ATP10A: variants seen among roughly 807,000 people sequenced by gnomAD.
ATP10A encodes phospholipid-transporting ATPase VA.
Under a neutral mutation model 147.8 loss-of-function variants are expected in ATP10A, and 111 were observed. That is an observed-to-expected ratio of 0.75 (90% CI 0.64 to 0.88). The LOEUF is 0.88. Among genes scored for constraint, ATP10A ranks in the 40% least tolerant of loss-of-function variants. The pLI is 0.00. For missense variants in ATP10A, 1,927 were observed against 1,959.0 expected (o/e 0.98, Z 0.31); for synonymous variants, 875 against 841.6 (o/e 1.04, Z -0.69).
At chr15:25,836,266 C>T (rs181272323) in intron 1 of ATP10A, among the ~76,000 whole-genome samples, 517 of 152,240 alleles carry the variant, frequency 3.4e-3, no homozygotes, top group Middle Eastern at 0.017. Context: ...CTTTTTCTTC[C>T]TCTTAGTTGC....
At chr15:25,797,499 A>C (rs1307144758) in intron 1 of ATP10A, among the ~76,000 whole-genome samples, 1 of 150,248 alleles carries the variant, frequency 6.7e-6, no homozygotes, top group Non-Finnish European at 1.5e-5. Flanking sequence ...ATTCTTCCTG[A>C]CTTTCTGCCA....
chr15:25,681,777 G>T (rs1596674268), intron 17 of ATP10A, among the ~76,000 whole-genome samples: 1 of 152,274 alleles, frequency 6.6e-6, no homozygotes. Context: ...AAACTGGCTG[G>T]GTGCGGTGGC....
chr15:25,787,803 C>T (rs8037418), intron 1 of ATP10A, among the ~76,000 whole-genome samples: 51,489 of 151,818 alleles, frequency 0.34, 9,143 homozygotes, highest in East Asian at 0.44. Flanking sequence ...AGTCACCAAA[C>T]TGTGTTTTTT....
intron 1 of ATP10A, among the ~76,000 whole-genome samples, chr15:25,819,322 A>C (rs1466137326): frequency 6.6e-6 from 1 of 152,206 alleles, no homozygotes; most frequent in Non-Finnish European, 1.5e-5. Flanking sequence ...CAAGTGAAAA[A>C]TGCTCAACGT....
chr15:25,784,313 C>T (rs1004171662), intron 1 of ATP10A, among the ~76,000 whole-genome samples: 82 of 152,226 alleles, frequency 5.4e-4, no homozygotes, highest in African/African-American at 1.8e-3. Context: ...TCACCCTGGG[C>T]GGAGGAGGAG....
At chr15:25,802,602 G>A (rs1179708690) in intron 1 of ATP10A, among the ~76,000 whole-genome samples, 5 of 152,302 alleles carry the variant, frequency 3.3e-5, no homozygotes, top group South Asian at 4.1e-4. Flanking sequence ...GAGTCTCAGC[G>A]GAGAGTATGC....
In ATP10A at chr15:25,756,679, G is replaced by C. The variant is rs1396956184; in HGVS notation, c.655-20538C>G. On this transcript the variant is annotated intron_variant, in intron 2 of 20. Transcript: ENST00000555815. ...AAGAAAGAAAGAAAGAAAGAAAAGT[G>C]AGTGCTTAAATCAAACATTCTATCT... Among the ~76,000 whole-genome samples the C allele has an allele frequency of 2.6e-5, 4 of 151,780 alleles. No individual in the cohort carries two copies. The South Asian group carries it at 6.3e-4, about 24-fold the overall frequency.
At position 25,862,711 on chromosome 15, in the gene ATP10A, T is replaced by C; in HGVS notation, c.386A>G (p.Glu129Gly). The change falls in exon 1 of 21, where the codon GAG becomes GGG. Residue 129 changes from glutamate to glycine, a missense_variant. Physicochemically the swap from Glu to Gly is moderately conservative, Grantham distance 98. Coordinates refer to ENST00000555815, the MANE Select transcript of ATP10A (RefSeq NM_024490.4). ...GTCGGAGCGGTGGCGGCTGTAGTCC[T>C]CCCACAGGTCCCTGAAGGCCGTGAT... ...LAITAFRDLW[E>G]DYSRHRSDHK... 6.2e-7 allele frequency: 1 copy of C among 1,611,432 alleles called. No individual in the cohort carries two copies.
chr15:25,795,156 T>C (rs1300291192), intron 1 of ATP10A, among the ~76,000 whole-genome samples: 2 of 152,134 alleles, frequency 1.3e-5, no homozygotes, highest in East Asian at 1.9e-4. Context: ...CCAGGTATCT[T>C]ATGTGACCGC....
chr15:25,722,014 G>A, intron 6 of ATP10A, 105 bp from the exon 7 acceptor site: 1 of 1,263,822 alleles, frequency 7.9e-7, no homozygotes, highest in East Asian at 2.3e-5. Flanking sequence ...CAAGAAAGTA[G>A]GGACTATACT....
At chr15:25,852,488 A>AGCG (rs1893339412) in intron 1 of ATP10A, among the ~76,000 whole-genome samples, 1 of 152,090 alleles carries the variant, frequency 6.6e-6, no homozygotes, top group Non-Finnish European at 1.5e-5. Context: ...TAGAACCCTC[A>AGCG]GCGTCTCTCT....
At chr15:25,714,323 C>G in intron 9 of ATP10A, 82 bp from the exon 10 acceptor site, 1 of 1,335,484 alleles carries the variant, frequency 7.5e-7, no homozygotes, top group Non-Finnish European at 1.0e-6. Flanking sequence ...CAGGATGCTC[C>G]AGGCACTTGG....
intron 7 of ATP10A, among the ~76,000 whole-genome samples, chr15:25,719,111 T>C (rs1237729811): frequency 6.6e-6 from 1 of 152,174 alleles, no homozygotes; most frequent in Admixed American, 6.5e-5. Flanking sequence ...GACAGCTTGT[T>C]TCACCGTGGA....
Position 25,747,213 on chromosome 15 carries a change from C to T in ATP10A, c.655-11072G>A, listed in dbSNP as rs578156723. On this transcript the variant is annotated intron_variant, in intron 2 of 20. Coordinates refer to ENST00000555815, the MANE Select transcript of ATP10A (RefSeq NM_024490.4). The stretch of plus-strand genomic sequence containing the variant: ...CTGAGTCAAGAGAAACACTTGAACA[C>T]GGGAGGCGGAGGTTACAGTGAGCCA... Among the ~76,000 whole-genome samples, 14 of 148,426 alleles carry T rather than the reference C, an allele frequency of 9.4e-5. No homozygotes were observed. In the South Asian group the frequency reaches 1.3e-3, roughly 13 times the overall value.
At position 25,863,296 on chromosome 15, in the gene ATP10A, G is replaced by A; in HGVS notation, c.-200C>T. The A allele has an allele frequency of 5.3e-6, 1 of 188,306 alleles. No homozygotes were observed. The highest frequency in any genetic ancestry group is 1.0e-5 in the Non-Finnish European group (1 of 98,310). 11.7% of individuals were successfully genotyped at this position (188,306 alleles called of 1,614,324 possible). On this transcript the variant is annotated 5_prime_UTR_variant, in exon 1 of 21. Transcript: ENST00000555815. ...GCCCCGTCCACTCCCGTCCAGCCCC[G>A]CCGCCCGGCCGCAGTCCCCAGGGCG...
At chr15:25,836,135 G>A (rs967142884) in intron 1 of ATP10A, among the ~76,000 whole-genome samples, 2 of 152,132 alleles carry the variant, frequency 1.3e-5, no homozygotes, top group African/African-American at 4.8e-5. Flanking sequence ...TTTTAGTAGA[G>A]ACAAGATCTC....
intron 1 of ATP10A, among the ~76,000 whole-genome samples, chr15:25,841,193 G>C (rs1344089874): frequency 6.6e-6 from 1 of 150,924 alleles, no homozygotes; most frequent in Non-Finnish European, 1.5e-5. Context: ...AATGTTTTAT[G>C]TTTTCTTTTA....
chr15:25,769,467 A>T (rs1017416842), intron 2 of ATP10A, among the ~76,000 whole-genome samples: 72 of 121,800 alleles, frequency 5.9e-4, no homozygotes, highest in African/African-American at 2.2e-3. Context: ...AGCCTGGGTG[A>T]CAGAGGGAGA....
At chr15:25,680,069 G>A in intron 20 of ATP10A, 52 bp downstream of exon 20, 1 of 1,593,240 alleles carries the variant, frequency 6.3e-7, no homozygotes, top group Middle Eastern at 2.0e-4. Flanking sequence ...CAATGCCAAT[G>A]TCGTCTGGGC....
Sources: gnomAD v4.1 joint callset for allele counts (sites outside exome capture counted in the v4.1 genomes callset) on GRCh38, gnomAD v4.1.1 for gene constraint, MANE v1.5 for transcripts, NCBI Gene and HGNC (gene_info 2026-07-23, HGNC 2026-07-21) for gene names.